Variants in HTR4 observed in about 807,000 individuals in gnomAD.
HTR4 encodes the protein 5-hydroxytryptamine receptor 4, also known as 5-hydroxytryptamine (serotonin) receptor 4, G protein-coupled.
A neutral mutation model predicts 36.8 loss-of-function variants in HTR4; 16 were observed. The ratio of observed to expected loss-of-function variants is 0.43; its 90% confidence interval spans 0.29 to 0.66. The LOEUF (loss-of-function observed/expected upper bound fraction) is 0.66, where lower values mean the gene tolerates loss of function less well. Ranked by LOEUF, HTR4 falls within the 30% of genes least tolerant of loss-of-function variation. The probability of loss-of-function intolerance (pLI) is 0.13; values close to 1 mark genes in which losing one functional copy is unlikely to be tolerated. For missense variants in HTR4, 438 were observed against 490.9 expected (o/e 0.89, Z 1.02); for synonymous variants, 189 against 185.1 (o/e 1.02, Z -0.17).
intron 4 of HTR4, among the ~76,000 whole-genome samples, chr5:148,526,759 T>A (rs1026579510): frequency 6.6e-6 from 1 of 151,986 alleles, no homozygotes; most frequent in Admixed American, 6.6e-5. Flanking sequence ...TTATGTTAAG[T>A]GAATAAGCCA....
At chr5:148,509,432 A>G (rs1227073677) in intron 6 of HTR4, 24 bp downstream of exon 6, 1 of 1,533,412 alleles carries the variant, frequency 6.5e-7, no homozygotes, top group African/African-American at 1.4e-5. Flanking sequence ...CAACCAAATC[A>G]ATGAACTCCC....
intron 2 of HTR4, among the ~76,000 whole-genome samples, chr5:148,621,590 A>G (rs181388929): frequency 3.0e-4 from 45 of 152,332 alleles, no homozygotes; most frequent in Admixed American, 7.8e-4. Context: ...GAACTTTTCA[A>G]TTAGGTGAGC....
intron 5 of HTR4, among the ~76,000 whole-genome samples, chr5:148,463,165 CTTTTTTTTTTTT>C (rs71001490): frequency 1.6e-5 from 1 of 64,152 alleles, no homozygotes; most frequent in Non-Finnish European, 2.7e-5. Flanking sequence ...CTTTTTTTTT[CTTTTTTTTTTTT>C]TTTTTTTTTT....
chr5:148,559,218 T>C (rs910405739), intron 2 of HTR4, among the ~76,000 whole-genome samples: 1 of 152,164 alleles, frequency 6.6e-6, no homozygotes, highest in Non-Finnish European at 1.5e-5. Flanking sequence ...ATATTGGAAA[T>C]ACAGTTTCCA....
intron 2 of HTR4, among the ~76,000 whole-genome samples, chr5:148,619,651 A>G (rs1752842410): frequency 6.6e-6 from 1 of 152,208 alleles, no homozygotes; most frequent in Non-Finnish European, 1.5e-5. Flanking sequence ...GACACAATGC[A>G]AAATTGAAAA....
In HTR4 at chr5:148,611,500, C is replaced by A. The variant is rs922787714; in HGVS notation, c.26+25489G>T. ...GCTGAGAGATTTTGTCACCACCAGG[C>A]CTGCCCTAAAAGAGCTCCTGAAGGA... On this transcript the variant is annotated intron_variant, in intron 2 of 6. Transcript: ENST00000377888. Among the ~76,000 whole-genome samples the A allele has an allele frequency of 6.1e-5, 8 of 131,532 alleles. No homozygotes were observed. The South Asian group carries it at 2.1e-3, about 34-fold the overall frequency. The allele number at this position is 131,532 out of a possible 152,430, so 86.3% of individuals were successfully genotyped here. A position where few individuals can be genotyped will look rare whatever the true frequency, so the allele number is the denominator to read the frequency against.
chr5:148,492,227 C>T (rs1756487505), intron 6 of HTR4, among the ~76,000 whole-genome samples: 1 of 152,190 alleles, frequency 6.6e-6, no homozygotes, highest in South Asian at 2.1e-4. Flanking sequence ...AAAACAAACA[C>T]ACACGGAATG....
chr5:148,579,443 T>A lies in HTR4; in HGVS notation c.27-29181A>T, dbSNP rs769705615. 3.1e-4 allele frequency among the ~76,000 whole-genome samples: 47 copies of A among 152,080 alleles called. 1 individual carries two copies. The highest frequency in any genetic ancestry group is 2.4e-3 in the Admixed American group (37 of 15,240). Reference sequence around the variant, plus strand: ...AGAGTCAGCCAGACCTGAGTTCAAATCCTAGCTCTGCCATGGGTTAGGCAT... The same window carrying A: ...AGAGTCAGCCAGACCTGAGTTCAAAACCTAGCTCTGCCATGGGTTAGGCAT... On this transcript the variant is annotated intron_variant, in intron 2 of 6. Coordinates refer to ENST00000377888, the MANE Select transcript of HTR4 (RefSeq NM_000870.7).
chr5:148,476,528 G>A, downstream of HTR4: 1 of 1,324,316 alleles, frequency 7.6e-7, no homozygotes, highest in Admixed American at 3.7e-5. Context: ...TGAAGTGGGT[G>A]GAGTACTAAT....
intron 5 of HTR4, among the ~76,000 whole-genome samples, chr5:148,513,080 C>T (rs1286679067): frequency 6.6e-6 from 1 of 151,976 alleles, no homozygotes; most frequent in Non-Finnish European, 1.5e-5. Flanking sequence ...CCTCTGACTC[C>T]CAGGCTCTAG....
Position 148,654,517 on chromosome 5 carries a change from G to T in HTR4, c.-503C>A. The stretch of plus-strand genomic sequence containing the variant: ...AGCACGCGCCCTCCCTGGCCGGAGC[G>T]CTGCTCATCTGATGGAGGGCAGGAA... On this transcript the variant is annotated 5_prime_UTR_variant, in exon 1 of 7. Coordinates refer to ENST00000377888, the MANE Select transcript of HTR4 (RefSeq NM_000870.7). 1.1e-5 allele frequency: 11 copies of T among 984,728 alleles called. No homozygotes were observed. The highest frequency in any genetic ancestry group is 1.3e-5 in the Non-Finnish European group (11 of 829,240). The allele number at this position is 984,728 out of a possible 1,614,324, so 61.0% of individuals were successfully genotyped here. A position where few individuals can be genotyped will look rare whatever the true frequency, so the allele number is the denominator to read the frequency against.
intron 4 of HTR4, among the ~76,000 whole-genome samples, chr5:148,537,785 AG>A (rs1758900699): frequency 6.6e-6 from 1 of 152,154 alleles, no homozygotes. Context: ...ATGGATTCAC[AG>A]CCTAATTCCA....
intron 2 of HTR4, chr5:148,628,680 T>G (rs1345785782): frequency 6.6e-6 from 1 of 152,206 alleles, no homozygotes; most frequent in Non-Finnish European, 1.5e-5. Context: ...CCTCTGAAAC[T>G]CTTTTTATTT....
intron 6 of HTR4, among the ~76,000 whole-genome samples, chr5:148,495,293 G>A (rs972237265): frequency 6.6e-6 from 1 of 152,176 alleles, no homozygotes; most frequent in African/African-American, 2.4e-5. Context: ...AGTGAAATAG[G>A]AGGATGGGGA....
chr5:148,650,733 C>A (rs964526970), intron 1 of HTR4, among the ~76,000 whole-genome samples: 8 of 152,202 alleles, frequency 5.3e-5, no homozygotes, highest in African/African-American at 1.9e-4. Context: ...ACTGCCACCA[C>A]CCCTTTCACT....
chr5:148,652,313 G>A lies in HTR4; in HGVS notation c.-48+1749C>T, dbSNP rs543839042. Among the ~76,000 whole-genome samples, 5 of 152,296 alleles carry A rather than the reference G, an allele frequency of 3.3e-5. No homozygotes were observed. In the East Asian group the frequency reaches 9.6e-4, roughly 29 times the overall value. ...GGCAGCTACTGATGAAGGAAGAGGA[G>A]GAATAAAAAGGTGACTTCAGTTCCC... On this transcript the variant is annotated intron_variant, in intron 1 of 6. Transcript: ENST00000377888.
chr5:148,456,666 G>A (rs896735354), intron 5 of HTR4, among the ~76,000 whole-genome samples: 64 of 152,268 alleles, frequency 4.2e-4, no homozygotes, highest in African/African-American at 1.4e-3. Context: ...TAAGTAAGAC[G>A]AGATTCAGAA....
At chr5:148,499,675 G>C (rs1325329207) in intron 6 of HTR4, among the ~76,000 whole-genome samples, 1 of 152,204 alleles carries the variant, frequency 6.6e-6, no homozygotes, top group Non-Finnish European at 1.5e-5. Flanking sequence ...GGGTGAGATA[G>C]TTTGGATGTT....
At chr5:148,505,634 A>C (rs921451607) in intron 6 of HTR4, among the ~76,000 whole-genome samples, 8 of 152,336 alleles carry the variant, frequency 5.3e-5, no homozygotes, top group African/African-American at 1.9e-4. Flanking sequence ...CCATCGTCTC[A>C]GCCCAAAATC....
Sources: gnomAD v4.1 joint callset for allele counts (sites outside exome capture counted in the v4.1 genomes callset) on GRCh38, gnomAD v4.1.1 for gene constraint, MANE v1.5 for transcripts, NCBI Gene and HGNC (gene_info 2026-07-23, HGNC 2026-07-21) for gene names.